Variants in CFAP74 observed in about 807,000 individuals in gnomAD.
CFAP74 encodes cilia- and flagella-associated protein 74.
Under a neutral mutation model 188.9 loss-of-function variants are expected in CFAP74, and 124 were observed. The observed-to-expected ratio is 0.66, with a 90% CI of 0.57 to 0.76. CFAP74 has a LOEUF of 0.76. Among genes scored for constraint, CFAP74 ranks in the 30% least tolerant of loss-of-function variants. The probability of loss-of-function intolerance (pLI) is 0.00; values close to 1 mark genes in which losing one functional copy is unlikely to be tolerated. For missense variants in CFAP74, 2,198 were observed against 2,165.2 expected (o/e 1.02, Z -0.30); for synonymous variants, 956 against 916.7 (o/e 1.04, Z -0.77).
At chr1:1,939,378 G>T (rs1170808124) in intron 24 of CFAP74, among the ~76,000 whole-genome samples, 1 of 152,238 alleles carries the variant, frequency 6.6e-6, no homozygotes, top group Admixed American at 6.5e-5. Context: ...GGGATCTGGA[G>T]CGCAGGAGGT....
chr1:1,974,419 C>T (rs147597033), intron 6 of CFAP74, among the ~76,000 whole-genome samples: 223 of 152,306 alleles, frequency 1.5e-3, no homozygotes, highest in Non-Finnish European at 2.4e-3. Flanking sequence ...CAATCCAGCC[C>T]GGCTAGAGCC....
chr1:1,923,438 C>T lies in CFAP74; in HGVS notation c.4451G>A (p.Gly1484Asp). The T allele has an allele frequency of 6.2e-7, 1 of 1,609,110 alleles. No individual in the cohort carries two copies. Among genetic ancestry groups the T allele is most frequent in the South Asian group, 1.1e-5 (1 of 90,192 alleles). ...AACQHMMFVE[G>D]GDPLDVPVES... ...CACGGGCACGTCCAGGGGGTCGCCG[C>T]CCTCCACGAACATCATGTGCTGACA... is the stretch of plus-strand genomic sequence containing the variant. Residue 1484 changes from glycine to aspartate, a missense_variant, in exon 36 of 39, where the codon GGC (glycine) becomes GAC (aspartate). Physicochemically the swap from Gly to Asp is moderately conservative, Grantham distance 94. Coordinates refer to ENST00000682832, the MANE Select transcript of CFAP74 (RefSeq NM_001304360.2). The surrounding 1 kb of genome is among the most constrained non-coding windows in gnomAD (Gnocchi z 6.3).
chr1:1,970,852 C>T (rs752894227), intron 9 of CFAP74, 36 bp from the exon 10 acceptor site: 3 of 1,609,848 alleles, frequency 1.9e-6, no homozygotes, highest in Admixed American at 3.3e-5. Context: ...ACAGCAGCAG[C>T]ACCCACGGGC....
Position 1,922,341 on chromosome 1 carries a change from A to G in CFAP74, c.4866T>C (p.Asp1622=), listed in dbSNP as rs748744009. ...MVSALLQLRG[D]VKETYKVIFV... is the part of the protein sequence containing the mutation. ...AGATGACCTTGTAGGTCTCCTTCAC[A>G]TCCCCCCTTAGCTGCAGCAGGGCCG... The change falls in exon 39 of 39, where the codon GAT becomes GAC. Residue 1622 remains aspartate, a synonymous_variant. Coordinates refer to ENST00000682832, the MANE Select transcript of CFAP74 (RefSeq NM_001304360.2). 6.9e-6 allele frequency: 11 copies of G among 1,604,884 alleles called. No homozygotes were observed. In the Admixed American group the frequency reaches 1.9e-4, roughly 28 times the overall value.
chr1:1,928,103 C>A (rs917141575), intron 27 of CFAP74, among the ~76,000 whole-genome samples: 1 of 152,224 alleles, frequency 6.6e-6, no homozygotes, highest in Non-Finnish European at 1.5e-5. Context: ...GAACCCAGGC[C>A]GGGAAAGGCA....
In CFAP74 at chr1:1,968,707, C is replaced by T. The variant is rs1273776161; in HGVS notation, c.1173G>A (p.Leu391=). Residue 391 remains leucine (L), a synonymous_variant, in exon 11 of 39, where the codon CTG becomes CTA. Transcript: ENST00000682832. This position sits in a 1 kb window ranked among gnomAD's most constrained non-coding sequence, Gnocchi z 4.3. ...AAATGTAGTTCCAGGTCTTGTCCCTCAGGGTCAGCCGGTGCCTGGCACTGG... is the reference window on the plus strand; with the variant it reads ...AAATGTAGTTCCAGGTCTTGTCCCTTAGGGTCAGCCGGTGCCTGGCACTGG... The part of the protein sequence containing the change: ...PPTSARHRLT[L]RDKTWNYISD... 4 of 1,614,196 alleles carry T rather than the reference C, an allele frequency of 2.5e-6. No individual in the cohort carries two copies. Among genetic ancestry groups the T allele is most frequent in the South Asian group, 1.1e-5 (1 of 91,088 alleles).
intron 25 of CFAP74, among the ~76,000 whole-genome samples, chr1:1,932,655 A>G (rs1034113993): frequency 2.0e-5 from 3 of 149,140 alleles, no homozygotes; most frequent in Non-Finnish European, 4.5e-5. Context: ...GAGCAGTGGC[A>G]TGATCTCGGC....
At chr1:1,948,879 T>C (rs1653967973) in intron 18 of CFAP74, among the ~76,000 whole-genome samples, 1 of 92,208 alleles carries the variant, frequency 1.1e-5, no homozygotes, top group African/African-American at 4.0e-5. Context: ...CTGCAATTCC[T>C]TCCTTCCTTC....
Position 1,923,829 on chromosome 1 carries a change from G to C in CFAP74, c.4335C>G (p.Pro1445=), listed in dbSNP as rs544835701. The change falls in exon 35 of 39, where the codon CCC becomes CCG. Residue 1445 remains proline, a synonymous_variant. Transcript: ENST00000682832. This position sits in a 1 kb window ranked among gnomAD's most constrained non-coding sequence, Gnocchi z 6.3. ...KTQDFTVTFS[P]DHESLYFSDK... ...CGGAGAAGTAGAGGCTTTCGTGGTC[G>C]GGGCTGAAGGTGACAGTGAAGTCTT... is the stretch of plus-strand genomic sequence containing the variant. The C allele has an allele frequency of 6.2e-7, 1 of 1,613,428 alleles. No homozygotes were observed. Among genetic ancestry groups the C allele is most frequent in the Admixed American group, 1.7e-5 (1 of 59,998 alleles).
Position 1,922,627 on chromosome 1 carries a change from T to C in CFAP74, c.4780A>G (p.Thr1594Ala). ...GGTGGCACCCAGGAGATGCTGATGG[T>C]CTTCGTCTGGCCGCGCTCCACGGAG... is the stretch of plus-strand genomic sequence containing the variant. ...RGSVERGQTK[T>A]ISISWVPPAD... The change falls in exon 38 of 39, where the codon ACC becomes GCC. Residue 1594 changes from threonine (T) to alanine (A), a missense_variant. Coordinates refer to ENST00000682832, the MANE Select transcript of CFAP74 (RefSeq NM_001304360.2). The C allele has an allele frequency of 1.9e-6, 3 of 1,606,316 alleles. No individual in the cohort carries two copies. The highest frequency in any genetic ancestry group is 1.7e-6 in the Non-Finnish European group (2 of 1,176,290).
intron 11 of CFAP74, among the ~76,000 whole-genome samples, chr1:1,966,898 G>A (rs956471602): frequency 7.3e-5 from 11 of 149,960 alleles, no homozygotes; most frequent in Admixed American, 1.3e-4. Context: ...GTGTAGCAGC[G>A]CGATCTCAGC....
intron 2 of CFAP74, among the ~76,000 whole-genome samples, 189 bp from the exon 3 acceptor site, chr1:1,989,162 G>C (rs927564108): frequency 2.6e-5 from 4 of 151,252 alleles, no homozygotes; most frequent in Non-Finnish European, 4.4e-5. Flanking sequence ...GGCGCCTTGA[G>C]AGAGAGAGAG....
rs1157930600 is a variant in CFAP74, at chr1:1,973,241, T to C, written c.675-194A>G. On this transcript the variant is annotated intron_variant, in intron 7 of 38. Transcript: ENST00000682832. This position sits in a 1 kb window ranked among gnomAD's most constrained non-coding sequence, Gnocchi z 6.2. ...GCCGTGGGCCACACAGATGTCAAAC[T>C]CTCCACGCTACTGGGGCTCCAGTGC... Among the ~76,000 whole-genome samples the C allele has an allele frequency of 6.6e-6, 1 of 152,040 alleles. No individual in the cohort carries two copies. The highest frequency in any genetic ancestry group is 1.9e-4 in the East Asian group (1 of 5,186).
chr1:1,957,460 G>A (rs1038863964), intron 16 of CFAP74, among the ~76,000 whole-genome samples: 4 of 152,168 alleles, frequency 2.6e-5, no homozygotes, highest in Admixed American at 2.0e-4. Context: ...CGCCTGCACC[G>A]CCTGGGTCCT....
intron 4 of CFAP74, 75 bp downstream of exon 4, chr1:1,988,437 C>A: frequency 6.4e-7 from 1 of 1,574,266 alleles, no homozygotes; most frequent in Non-Finnish European, 8.6e-7. Flanking sequence ...GGTACAGGAC[C>A]ACCCCTGCTG....
At position 1,946,980 on chromosome 1, in the gene CFAP74, G is replaced by T; in HGVS notation, c.2241+10C>A. On this transcript the variant is annotated intron_variant, in intron 19 of 38. Transcript: ENST00000682832. The stretch of plus-strand genomic sequence containing the variant: ...TCGTGGCAGCTATTTTAGGGCCTGA[G>T]CTGGCTGACCTCCCCCAGCGTGATC... 1 of 1,533,552 alleles carries T rather than the reference G, an allele frequency of 6.5e-7. No homozygotes were observed. 95.0% of individuals were successfully genotyped at this position (1,533,552 alleles called of 1,614,324 possible). A position where few individuals can be genotyped will look rare whatever the true frequency, so the allele number is the denominator to read the frequency against.
chr1:2,002,675 A>C (rs1658264352), intron 1 of CFAP74, among the ~76,000 whole-genome samples: 1 of 150,720 alleles, frequency 6.6e-6, no homozygotes, highest in African/African-American at 2.4e-5. Context: ...GTCTCAAAAA[A>C]ACAAAAATTT....
chr1:1,949,856 T>C lies in CFAP74; in HGVS notation c.2177-2802A>G, dbSNP rs572107622. Among the ~76,000 whole-genome samples, 6 of 152,338 alleles carry C rather than the reference T, an allele frequency of 3.9e-5. No homozygotes were observed. In the South Asian group the frequency reaches 6.2e-4, roughly 16 times the overall value. Reference sequence around the variant, plus strand: ...CGGCACTGCCTCTATCAAAGGTTCATGTCTGTTTGCTGCTCGGCAGTGCTG... The same window carrying C: ...CGGCACTGCCTCTATCAAAGGTTCACGTCTGTTTGCTGCTCGGCAGTGCTG... On this transcript the variant is annotated intron_variant, in intron 18 of 38. Coordinates refer to ENST00000682832, the MANE Select transcript of CFAP74 (RefSeq NM_001304360.2).
At chr1:1,940,467 C>G (rs1486429707) in intron 22 of CFAP74, 64 bp from the exon 23 acceptor site, 7 of 1,126,946 alleles carry the variant, frequency 6.2e-6, no homozygotes, top group Non-Finnish European at 8.7e-6. Flanking sequence ...ACAATAAGAC[C>G]CACTGTCACT....
Sources: allele counts gnomAD v4.1 joint callset (sites outside exome capture counted in the v4.1 genomes callset), GRCh38; gene constraint gnomAD v4.1.1; non-coding constraint Gnocchi (gnomAD v3.1); transcripts MANE v1.5; gene names NCBI Gene and HGNC (gene_info 2026-07-23, HGNC 2026-07-21).